NTN1: variants seen among roughly 807,000 people sequenced by gnomAD.
NTN1 encodes netrin-1.
A neutral mutation model predicts 54.2 loss-of-function variants in NTN1; 11 were observed. The ratio of observed to expected loss-of-function variants is 0.20; its 90% CI spans 0.13 to 0.34. The LOEUF is 0.34. NTN1 is among the 10% of genes least tolerant of loss of function. The probability of loss-of-function intolerance (pLI) is 1.00; values close to 1 mark genes in which losing one functional copy is unlikely to be tolerated. For missense variants in NTN1, 740 were observed against 893.1 expected (o/e 0.83, Z 2.18); for synonymous variants, 371 against 382.0 (o/e 0.97, Z 0.33).
intron 2 of NTN1, among the ~76,000 whole-genome samples, chr17:9,044,435 G>A (rs937402509): frequency 1.6e-4 from 24 of 151,564 alleles, no homozygotes; most frequent in Admixed American, 1.4e-3. Context: ...GGGTTTCACC[G>A]TGTTGGCCAG....
rs567118612 is a variant in NTN1 at position 9,180,279 on chromosome 17, TCCAC to T, written c.1357+329_1357+332del. On this transcript the variant is annotated intron_variant, in intron 4 of 6. Coordinates refer to ENST00000173229, the MANE Select transcript of NTN1 (RefSeq NM_004822.3). ...GTCTTGAACTCCTGACCTCAGGTGA[TCCAC>T]CCACCTTGGCCTCCCAAAGCGCTGG... is the stretch of plus-strand genomic sequence containing the variant. Among the ~76,000 whole-genome samples, 378 of 152,352 alleles carry T rather than the reference TCCAC, an allele frequency of 2.5e-3. 2 individuals are homozygous for T. The highest frequency in any genetic ancestry group is 8.5e-3 in the African/African-American group (354 of 41,592).
chr17:9,187,954 G>T (rs1051879811), intron 5 of NTN1, among the ~76,000 whole-genome samples: 5 of 152,216 alleles, frequency 3.3e-5, no homozygotes, highest in African/African-American at 1.2e-4. Flanking sequence ...TATCTGAAAT[G>T]TCCGGCAAAA....
chr17:9,195,753 C>G (rs1472069627), intron 5 of NTN1, among the ~76,000 whole-genome samples: 3 of 152,168 alleles, frequency 2.0e-5, no homozygotes, highest in Non-Finnish European at 4.4e-5. Context: ...GCGGGCTCGC[C>G]TGGCAGAATC....
At chr17:9,202,817 C>T (rs561984151) in intron 5 of NTN1, among the ~76,000 whole-genome samples, 1 of 152,372 alleles carries the variant, frequency 6.6e-6, no homozygotes, top group East Asian at 1.9e-4. Flanking sequence ...GTCATAGTTA[C>T]AAATCTTATT....
rs540688230 is a variant in NTN1 at position 9,224,348 on chromosome 17, C to G, written c.1486+3106C>G. Among the ~76,000 whole-genome samples the G allele has an allele frequency of 3.5e-3, 533 of 152,288 alleles. 3 individuals carry two copies. The highest frequency in any genetic ancestry group is 0.012 in the African/African-American group (487 of 41,576). ...TCCCTGCGCCCTGCCCTGTTGTGGC[C>G]GCCCTGGGCAATGGGGGGCATCTCT... On this transcript the variant is annotated intron_variant, in intron 6 of 6. Coordinates refer to ENST00000173229, the MANE Select transcript of NTN1 (RefSeq NM_004822.3).
chr17:9,046,544 C>T (rs1039006309), intron 2 of NTN1, among the ~76,000 whole-genome samples: 4 of 152,106 alleles, frequency 2.6e-5, no homozygotes, highest in East Asian at 1.9e-4. Context: ...CCCGGTACTT[C>T]GGGAGGCCAA....
At chr17:9,155,346 GT>G (rs5819216) in intron 2 of NTN1, among the ~76,000 whole-genome samples, 71,791 of 142,734 alleles carry the variant, frequency 0.5, 17,829 homozygotes, top group African/African-American at 0.59. Context: ...TTTCTTTTTT[GT>G]TTTTTTTTTT....
intron 3 of NTN1, chr17:9,173,199 C>T (rs2092391953): frequency 6.6e-6 from 1 of 152,430 alleles, no homozygotes; most frequent in Admixed American, 6.5e-5. Context: ...GTCTTCGCCG[C>T]CACCTTACAT....
rs1300028585 is a variant in NTN1, at chr17:9,152,279, C to T, written c.1019-10534C>T. Reference sequence around the variant, plus strand: ...TGGACACACTATTGCTCACTGCCCTCTGCTAAATCCCCCTGCTGTGCCACC... The same window carrying T: ...TGGACACACTATTGCTCACTGCCCTTTGCTAAATCCCCCTGCTGTGCCACC... On this transcript the variant is annotated intron_variant, in intron 2 of 6. Coordinates refer to ENST00000173229, the MANE Select transcript of NTN1 (RefSeq NM_004822.3). 2.0e-5 allele frequency among the ~76,000 whole-genome samples: 3 copies of T among 152,208 alleles called. No homozygotes were observed. In the East Asian group the frequency reaches 5.8e-4, roughly 29 times the overall value.
intron 6 of NTN1, among the ~76,000 whole-genome samples, chr17:9,233,166 G>A (rs973969015): frequency 6.6e-6 from 1 of 151,940 alleles, no homozygotes; most frequent in Non-Finnish European, 1.5e-5. Context: ...ATAAATCTGC[G>A]AGACCTCCAG....
intron 2 of NTN1, among the ~76,000 whole-genome samples, chr17:9,141,294 A>AG (rs965816398): frequency 3.7e-4 from 56 of 150,946 alleles, no homozygotes; most frequent in East Asian, 1.4e-3. Flanking sequence ...AGCTTTAATG[A>AG]GGGGGGGGAG....
Position 9,221,059 on chromosome 17 carries a change from A to G in NTN1, c.1412-109A>G. 1 of 790,590 alleles carries G rather than the reference A, an allele frequency of 1.3e-6. No homozygotes were observed. The allele number at this position is 790,590 out of a possible 1,614,324, so 49.0% of individuals were successfully genotyped here. ...TGCCCGCCCGGCCTGGCCCATGGGT[A>G]TCACAGGCCTCTGGCTATTTAGGGA... On this transcript the variant is annotated intron_variant, in intron 5 of 6. Transcript: ENST00000173229. The surrounding 1 kb of genome is among the most constrained non-coding windows in gnomAD (Gnocchi z 4.5).
intron 2 of NTN1, among the ~76,000 whole-genome samples, chr17:9,049,350 T>A (rs1215786493): frequency 6.6e-6 from 1 of 152,160 alleles, no homozygotes; most frequent in African/African-American, 2.4e-5. Flanking sequence ...AGATGCCACC[T>A]GAACCAACTG....
At chr17:9,163,326 T>C (rs998038801) in intron 3 of NTN1, among the ~76,000 whole-genome samples, 17 of 152,126 alleles carry the variant, frequency 1.1e-4, no homozygotes, top group Non-Finnish European at 2.1e-4. Context: ...CTCCCCCTCC[T>C]GGGCTTCTCC....
chr17:9,032,336 C>T (rs575426337), intron 2 of NTN1, among the ~76,000 whole-genome samples: 10 of 152,304 alleles, frequency 6.6e-5, no homozygotes, highest in Non-Finnish European at 1.5e-4. Context: ...AAGGAATGTC[C>T]GCCCCGACGT....
intron 2 of NTN1, among the ~76,000 whole-genome samples, chr17:9,047,081 C>A (rs1475842336): frequency 6.6e-6 from 1 of 152,202 alleles, no homozygotes; most frequent in Non-Finnish European, 1.5e-5. Flanking sequence ...TACTTTATTG[C>A]TAAAAAATGC....
intron 6 of NTN1, among the ~76,000 whole-genome samples, chr17:9,227,426 ACAC>A (rs1483838367): frequency 1.3e-5 from 2 of 150,492 alleles, no homozygotes; most frequent in Non-Finnish European, 3.0e-5. Flanking sequence ...ACACATACAT[ACAC>A]CATCACACCA....
intron 6 of NTN1, among the ~76,000 whole-genome samples, chr17:9,226,432 G>A (rs1470096821): frequency 6.2e-5 from 6 of 96,760 alleles, no homozygotes; most frequent in Admixed American, 6.1e-4. Flanking sequence ...GGTCTCGTGG[G>A]GAGGCGGTCT....
At chr17:9,080,140 G>A (rs1324791832) in intron 2 of NTN1, among the ~76,000 whole-genome samples, 3 of 152,250 alleles carry the variant, frequency 2.0e-5, no homozygotes, top group South Asian at 4.1e-4. Context: ...CAGGCTCCTT[G>A]CAGTCTCCCC....
Sources: allele counts gnomAD v4.1 joint callset (sites outside exome capture counted in the v4.1 genomes callset), GRCh38; gene constraint gnomAD v4.1.1; non-coding constraint Gnocchi (gnomAD v3.1); transcripts MANE v1.5; gene names NCBI Gene and HGNC (gene_info 2026-07-23, HGNC 2026-07-21).